Variants in WWOX observed in about 807,000 individuals in gnomAD.
The protein encoded by WWOX is WW domain containing oxidoreductase.
Under a neutral mutation model 46.2 loss-of-function variants are expected in WWOX, and 69 were observed. That is an observed-to-expected ratio of 1.49 (90% CI 1.23 to 1.82). The LOEUF (loss-of-function observed/expected upper bound fraction) is 1.82, where lower values mean the gene tolerates loss of function less well. Among genes scored for constraint, WWOX ranks in the 40% most tolerant of loss-of-function variants. The probability of loss-of-function intolerance (pLI) is 0.00; values close to 1 mark genes in which losing one functional copy is unlikely to be tolerated. For missense variants in WWOX, 919 were observed against 542.6 expected, an observed-to-expected ratio of 1.69 and a Z score of -6.89; for synonymous variants, 359 against 202.6, an observed-to-expected ratio of 1.77 and a Z score of -6.56.
At chr16:78,304,449 C>T (rs1018764694) in intron 5 of WWOX, among the ~76,000 whole-genome samples, 1 of 152,174 alleles carries the variant, frequency 6.6e-6, no homozygotes, top group African/African-American at 2.4e-5. Context: ...GAATGAGAAT[C>T]CTTTCAGAAA....
intron 8 of WWOX, among the ~76,000 whole-genome samples, chr16:78,700,308 TAGAC>T (rs1204464131): frequency 2.0e-5 from 2 of 99,420 alleles, no homozygotes; most frequent in South Asian, 8.2e-4. Context: ...CCTCACTTAG[TAGAC>T]AGAGAGAGAG....
rs567734138 is a variant in WWOX at position 78,232,533 on chromosome 16, G to A, written c.516+68244G>A. ...GGTAGATAAGGATTTTATGAAAAGG[G>A]AGCTCACTGTTGGTGAAAAATCCTT... is the stretch of plus-strand genomic sequence containing the variant. On this transcript the variant is annotated intron_variant, in intron 5 of 8. Transcript: ENST00000566780. Among the ~76,000 whole-genome samples the A allele has an allele frequency of 6.9e-3, 1,044 of 152,284 alleles. 24 individuals carry two copies. Among genetic ancestry groups the A allele is most frequent in the East Asian group, 0.05 (260 of 5,174 alleles).
chr16:78,301,724 A>G (rs2080044502), intron 5 of WWOX, among the ~76,000 whole-genome samples: 1 of 152,178 alleles, frequency 6.6e-6, no homozygotes, highest in African/African-American at 2.4e-5. Flanking sequence ...TGAGAATTGG[A>G]AATCAGGACT....
chr16:78,721,417 C>G (rs2048686195), intron 8 of WWOX, among the ~76,000 whole-genome samples: 2 of 152,092 alleles, frequency 1.3e-5, no homozygotes, highest in Non-Finnish European at 2.9e-5. Flanking sequence ...ATTGTATGAA[C>G]ATATTGTCGG....
intron 8 of WWOX, among the ~76,000 whole-genome samples, chr16:78,972,626 C>T (rs1381962504): frequency 6.6e-6 from 1 of 152,094 alleles, no homozygotes; most frequent in Non-Finnish European, 1.5e-5. Flanking sequence ...GTACATACCG[C>T]TGCACATCCC....
chr16:78,777,662 C>A (rs1036173082), intron 8 of WWOX, among the ~76,000 whole-genome samples: 1 of 152,114 alleles, frequency 6.6e-6, no homozygotes, highest in African/African-American at 2.4e-5. Context: ...GCAGACTCCC[C>A]AGCACAGAGT....
In WWOX at chr16:78,215,172, G is replaced by A. The variant is rs2036678251; in HGVS notation, c.516+50883G>A. Among the ~76,000 whole-genome samples the A allele has an allele frequency of 2.0e-5, 3 of 152,144 alleles. No homozygotes were observed. In the South Asian group the frequency reaches 6.2e-4, roughly 32 times the overall value. On this transcript the variant is annotated intron_variant, in intron 5 of 8. Coordinates refer to ENST00000566780, the MANE Select transcript of WWOX (RefSeq NM_016373.4). ...TTGTAAAATCACTTAAGTCCCATGG[G>A]TCATTTTCTTCCCCATATCAAGCAC... is the stretch of plus-strand genomic sequence containing the variant.
intron 8 of WWOX, among the ~76,000 whole-genome samples, chr16:78,999,808 A>G (rs192692855): frequency 5.8e-4 from 88 of 152,308 alleles, no homozygotes; most frequent in Non-Finnish European, 2.5e-4. Flanking sequence ...AGACTTCACC[A>G]CTACGCCATA....
intron 5 of WWOX, among the ~76,000 whole-genome samples, chr16:78,239,843 T>A (rs558102930): frequency 6.6e-6 from 1 of 152,258 alleles, no homozygotes; most frequent in Non-Finnish European, 1.5e-5. Flanking sequence ...CTGGCTCTTC[T>A]AGTTTTTGAA....
intron 8 of WWOX, among the ~76,000 whole-genome samples, chr16:78,733,882 G>C (rs757497045): frequency 1.3e-5 from 2 of 152,040 alleles, no homozygotes; most frequent in Non-Finnish European, 2.9e-5. Context: ...CCTGGACAAC[G>C]TACAGAGACC....
Position 79,027,950 on chromosome 16 carries a change from G to T in WWOX, c.1057-183658G>T, listed in dbSNP as rs370111863. 2.0e-5 allele frequency among the ~76,000 whole-genome samples: 3 copies of T among 151,458 alleles called. No individual in the cohort carries two copies. In the East Asian group the frequency reaches 5.8e-4, roughly 29 times the overall value. The stretch of plus-strand genomic sequence containing the variant: ...TTATTTTCCTTTGTTTTTCTTTTTT[G>T]TTGTTGTTTGTTTGTTTTTGAGACG... On this transcript the variant is annotated intron_variant, in intron 8 of 8. Coordinates refer to ENST00000566780, the MANE Select transcript of WWOX (RefSeq NM_016373.4).
chr16:78,410,704 G>A (rs1051357663), intron 6 of WWOX, among the ~76,000 whole-genome samples: 1 of 151,518 alleles, frequency 6.6e-6, no homozygotes, highest in Non-Finnish European at 1.5e-5. Context: ...TAGTTGGGGG[G>A]CTAAGGCTGG....
intron 8 of WWOX, among the ~76,000 whole-genome samples, chr16:78,699,979 G>A (rs1287376355): frequency 6.6e-6 from 1 of 152,082 alleles, no homozygotes; most frequent in African/African-American, 2.4e-5. Flanking sequence ...TTGGTCTTGG[G>A]GAGGGGAGGT....
At chr16:78,912,344 C>G (rs1268863599) in intron 8 of WWOX, among the ~76,000 whole-genome samples, 2 of 151,934 alleles carry the variant, frequency 1.3e-5, no homozygotes, top group African/African-American at 4.8e-5. Context: ...CCTTCCAGCT[C>G]TGGGAGGTGA....
chr16:78,850,008 G>T (rs1374981730), intron 8 of WWOX, among the ~76,000 whole-genome samples: 1 of 152,032 alleles, frequency 6.6e-6, no homozygotes, highest in African/African-American at 2.4e-5. Flanking sequence ...GGAGATGGAG[G>T]TTGTGGTGAG....
chr16:79,011,194 A>G (rs1347020867), intron 8 of WWOX, among the ~76,000 whole-genome samples: 1 of 151,616 alleles, frequency 6.6e-6, no homozygotes, highest in African/African-American at 2.4e-5. Flanking sequence ...ACCATTGAAA[A>G]GTTGCAGACA....
chr16:78,993,808 G>T (rs1050253723), intron 8 of WWOX, among the ~76,000 whole-genome samples: 1 of 152,198 alleles, frequency 6.6e-6, no homozygotes, highest in African/African-American at 2.4e-5. Flanking sequence ...AGCTTGGATG[G>T]CATCGGAACC....
intron 8 of WWOX, among the ~76,000 whole-genome samples, chr16:78,747,129 A>G (rs1203757612): frequency 1.3e-5 from 2 of 151,688 alleles, no homozygotes; most frequent in African/African-American, 4.8e-5. Flanking sequence ...ATCTGCTTCA[A>G]GGCTTTTGTA....
chr16:78,705,070 G>A (rs2048303551), intron 8 of WWOX, among the ~76,000 whole-genome samples: 1 of 152,104 alleles, frequency 6.6e-6, no homozygotes, highest in African/African-American at 2.4e-5. Flanking sequence ...AAAATGAGCT[G>A]CCTGGTTTAT....
Sources: allele counts gnomAD v4.1 joint callset (sites outside exome capture counted in the v4.1 genomes callset), GRCh38; gene constraint gnomAD v4.1.1; transcripts MANE v1.5; gene names NCBI Gene and HGNC (gene_info 2026-07-23, HGNC 2026-07-21).